ZFPM2: variants seen among roughly 807,000 people sequenced by gnomAD.
The protein encoded by ZFPM2 is zinc finger protein ZFPM2.
A neutral mutation model predicts 98.6 loss-of-function variants in ZFPM2; 20 were observed. The ratio of observed to expected loss-of-function variants is 0.20; its 90% confidence interval spans 0.14 to 0.29. ZFPM2 has a LOEUF of 0.29. Ranked by LOEUF, ZFPM2 falls within the 10% of genes least tolerant of loss-of-function variation. The pLI is 1.00. For missense variants in ZFPM2, 1,310 were observed against 1,388.6 expected (o/e 0.94, Z 0.90); for synonymous variants, 518 against 502.7 (o/e 1.03, Z -0.41).
intron 5 of ZFPM2, among the ~76,000 whole-genome samples, chr8:105,655,398 A>T (rs1817264317): frequency 2.0e-5 from 3 of 151,492 alleles, no homozygotes; most frequent in Non-Finnish European, 4.4e-5. Flanking sequence ...CGCCCAGCTA[A>T]TTTTGTATTT....
At chr8:105,697,923 A>G in intron 5 of ZFPM2, among the ~76,000 whole-genome samples, 1 of 152,180 alleles carries the variant, frequency 6.6e-6, no homozygotes, top group Admixed American at 6.6e-5. Context: ...ATAGTCTCTG[A>G]TAGTTGTGAG....
At chr8:105,485,085 T>C (rs2130402550) in intron 3 of ZFPM2, among the ~76,000 whole-genome samples, 1 of 152,318 alleles carries the variant, frequency 6.6e-6, no homozygotes, top group South Asian at 2.1e-4. Flanking sequence ...CTGGTAACTT[T>C]ATACATTGGT....
At chr8:105,618,978 T>C (rs961800198) in intron 4 of ZFPM2, among the ~76,000 whole-genome samples, 1 of 152,168 alleles carries the variant, frequency 6.6e-6, no homozygotes, top group Non-Finnish European at 1.5e-5. Context: ...CAGTCAGAAA[T>C]TAAATGAATA....
chr8:105,632,271 G>A (rs555004338), intron 4 of ZFPM2, among the ~76,000 whole-genome samples: 83 of 152,312 alleles, frequency 5.4e-4, no homozygotes, highest in African/African-American at 1.8e-3. Flanking sequence ...CTGGGTTGAA[G>A]CAATTCTCCT....
intron 5 of ZFPM2, among the ~76,000 whole-genome samples, chr8:105,775,453 T>C (rs954631721): frequency 2.4e-4 from 37 of 152,172 alleles, no homozygotes; most frequent in African/African-American, 8.9e-4. Context: ...TTGTGTATTT[T>C]GGTGGAGATT....
intron 5 of ZFPM2, among the ~76,000 whole-genome samples, chr8:105,674,925 A>G (rs1307205647): frequency 6.6e-6 from 1 of 152,064 alleles, no homozygotes; most frequent in African/African-American, 2.4e-5. Flanking sequence ...GTGGAGTGCT[A>G]ATTCTGGAAC....
intron 1 of ZFPM2, 130 bp from the exon 2 acceptor site, chr8:105,419,014 C>G (rs867809277): frequency 6.2e-5 from 46 of 739,062 alleles, no homozygotes; most frequent in Middle Eastern, 4.9e-4. Flanking sequence ...TTTTGTGAGT[C>G]CCCTTGGTGG....
chr8:105,708,768 A>T (rs867782527), intron 5 of ZFPM2, among the ~76,000 whole-genome samples: 1 of 152,126 alleles, frequency 6.6e-6, no homozygotes, highest in South Asian at 2.1e-4. Flanking sequence ...AAGAGTTTTT[A>T]TATCCATTTT....
chr8:105,372,004 AATTATTATTATT>A (rs139489210), intron 1 of ZFPM2, among the ~76,000 whole-genome samples: 2,218 of 145,724 alleles, frequency 0.015, 61 homozygotes, highest in African/African-American at 0.051. Context: ...AAAATAGTGA[AATTATTATTATT>A]ATTATTATTA....
intron 4 of ZFPM2, among the ~76,000 whole-genome samples, chr8:105,619,958 T>C (rs1816500409): frequency 6.6e-6 from 1 of 152,178 alleles, no homozygotes; most frequent in Non-Finnish European, 1.5e-5. Context: ...TGGCTCCAAG[T>C]CTTTGGTCTT....
chr8:105,715,235 C>CA (rs943175071), intron 5 of ZFPM2, among the ~76,000 whole-genome samples: 14 of 151,158 alleles, frequency 9.3e-5, no homozygotes, highest in Admixed American at 1.3e-4. Context: ...CCCATCTCTA[C>CA]AAAAAAAATA....
At chr8:105,738,968 T>G (rs568209899) in intron 5 of ZFPM2, among the ~76,000 whole-genome samples, 137 of 152,170 alleles carry the variant, frequency 9.0e-4, no homozygotes, top group African/African-American at 3.2e-3. Context: ...TTTTCTTAAT[T>G]TAGGCACAAT....
At chr8:105,493,814 T>C (rs1813403613) in intron 3 of ZFPM2, among the ~76,000 whole-genome samples, 1 of 152,134 alleles carries the variant, frequency 6.6e-6, no homozygotes, top group African/African-American at 2.4e-5. Flanking sequence ...GCAAGCCTTA[T>C]AAAAAGTATC....
intron 5 of ZFPM2, among the ~76,000 whole-genome samples, chr8:105,687,670 T>C (rs1810773264): frequency 6.6e-6 from 1 of 151,992 alleles, no homozygotes; most frequent in South Asian, 2.1e-4. Flanking sequence ...ATAAATCAAA[T>C]AGATGAAATA....
intron 4 of ZFPM2, among the ~76,000 whole-genome samples, chr8:105,623,355 A>T (rs1009162696): frequency 6.6e-6 from 1 of 152,150 alleles, no homozygotes; most frequent in African/African-American, 2.4e-5. Flanking sequence ...TTCTTCCATT[A>T]ACTTCAAATA....
At chr8:105,781,171 T>C (rs1813238645) in intron 5 of ZFPM2, among the ~76,000 whole-genome samples, 1 of 152,130 alleles carries the variant, frequency 6.6e-6, no homozygotes, top group Admixed American at 6.5e-5. Context: ...CCAAAATCAG[T>C]GTGGGTTCCA....
intron 5 of ZFPM2, among the ~76,000 whole-genome samples, chr8:105,777,609 GA>G (rs1032445704): frequency 1.3e-5 from 2 of 152,046 alleles, no homozygotes; most frequent in African/African-American, 4.8e-5. Context: ...TAGTACAAAT[GA>G]AAAAAGTTAA....
chr8:105,727,566 C>T (rs1811841853), intron 5 of ZFPM2, among the ~76,000 whole-genome samples: 1 of 151,706 alleles, frequency 6.6e-6, no homozygotes, highest in South Asian at 2.1e-4. Flanking sequence ...TTTTGAAAAA[C>T]TAGGCTATTA....
Position 105,802,020 on chromosome 8 carries a change from T to C in ZFPM2, c.1938T>C (p.Phe646=). ...GPNGKGHDKD[F]STQTKKLSTS... ...ATGGGAAGGGCCATGACAAGGACTT[T>C]TCCACTCAAACTAAGAAGCTCTCCA... Residue 646 remains phenylalanine (F), a synonymous_variant, in exon 8 of 8, where the codon TTT becomes TTC. Transcript: ENST00000407775. 6.2e-7 allele frequency: 1 copy of C among 1,613,818 alleles called. No homozygotes were observed. The highest frequency in any genetic ancestry group is 8.5e-7 in the Non-Finnish European group (1 of 1,179,852).
Sources: allele counts gnomAD v4.1 joint callset (sites outside exome capture counted in the v4.1 genomes callset), GRCh38; gene constraint gnomAD v4.1.1; transcripts MANE v1.5; gene names NCBI Gene and HGNC (gene_info 2026-07-23, HGNC 2026-07-21).